The following DBT variants were observed in gnomAD, a reference collection of about 807,000 sequenced individuals.
DBT encodes dihydrolipoamide branched chain transacylase E2.
A neutral mutation model predicts 51.3 loss-of-function variants in DBT; 40 were observed. The ratio of observed to expected loss-of-function variants is 0.78; its 90% CI spans 0.61 to 1.02. DBT has a LOEUF of 1.02. DBT is among the 50% of genes least tolerant of loss of function. The pLI is 0.00. For synonymous variants in DBT, 181 were observed against 190.4 expected (o/e 0.95, Z 0.41); for missense variants, 510 against 580.2 (o/e 0.88, Z 1.24).
chr1:100,237,361 G>A (rs1663933978), intron 2 of DBT, among the ~76,000 whole-genome samples: 1 of 152,164 alleles, frequency 6.6e-6, no homozygotes, highest in African/African-American at 2.4e-5. Context: ...GGCGTAACCA[G>A]CAAGGAAATC....
chr1:100,206,174 G>T, intron 10 of DBT, 56 bp downstream of exon 10: 1 of 1,158,170 alleles, frequency 8.6e-7, no homozygotes, highest in Non-Finnish European at 1.3e-6. Flanking sequence ...ACTCTTCATT[G>T]TGTTTAGTCC....
intron 8 of DBT, among the ~76,000 whole-genome samples, chr1:100,209,078 TTTTTCTTTTC>T (rs1287657697): frequency 1.9e-3 from 271 of 141,416 alleles, no homozygotes; most frequent in African/African-American, 6.2e-3. Context: ...TTTGTTTTCT[TTTTTCTTTTC>T]TTTTCTTTTC....
At chr1:100,215,863 A>G (rs146761278) in intron 6 of DBT, 120 bp downstream of exon 6, 2 of 742,100 alleles carry the variant, frequency 2.7e-6, no homozygotes, top group Non-Finnish European at 4.8e-6. Context: ...TGCTGACTGA[A>G]GTTGAACTTT....
Position 100,196,103 on chromosome 1 carries a change from A to T in DBT, c.*152T>A. ...ATTATTCATTTTCAGTAAAAAGTCT[A>T]ATAGAACAGTGACAAATATTGTGCC... On this transcript the variant is annotated 3_prime_UTR_variant, in exon 11 of 11. Transcript: ENST00000370132. 1 of 738,458 alleles carries T rather than the reference A, an allele frequency of 1.4e-6. No homozygotes were observed. The highest frequency in any genetic ancestry group is 2.3e-6 in the Non-Finnish European group (1 of 431,608). 45.7% of individuals were successfully genotyped at this position (738,458 alleles called of 1,614,324 possible).
At chr1:100,209,093 CTTTTCT>C (rs1168362251) in intron 8 of DBT, among the ~76,000 whole-genome samples, 192 of 93,264 alleles carry the variant, frequency 2.1e-3, no homozygotes, top group South Asian at 7.3e-3. Context: ...CTTTTCTTTT[CTTTTCT>C]TTTTTTTTTT....
In DBT at chr1:100,224,567, G is replaced by A. The variant is rs538570094; in HGVS notation, c.434-5820C>T. On this transcript the variant is annotated intron_variant, in intron 4 of 10. Coordinates refer to ENST00000370132, the MANE Select transcript of DBT (RefSeq NM_001918.5). ...TAATTGTTTAAAGCATATTATGAAT[G>A]GCAAATGAAACAGAATGGCTAGCAA... Among the ~76,000 whole-genome samples, 5 of 152,140 alleles carry A rather than the reference G, an allele frequency of 3.3e-5. No homozygotes were observed. In the East Asian group the frequency reaches 5.8e-4, roughly 18 times the overall value.
chr1:100,206,320 A>T lies in DBT; in HGVS notation c.1210-19T>A. On this transcript the variant is annotated intron_variant, in intron 9 of 10. Transcript: ENST00000370132. The stretch of plus-strand genomic sequence containing the variant: ...CACCAATCTATTTTTTAAAAAAAAA[A>T]AAAGGAGAGTATTAAAAGTTAAGAT... 6.2e-7 allele frequency: 1 copy of T among 1,605,952 alleles called. No individual in the cohort carries two copies.
intron 1 of DBT, among the ~76,000 whole-genome samples, chr1:100,241,458 C>T (rs370223229): frequency 2.0e-5 from 3 of 151,052 alleles, no homozygotes; most frequent in East Asian, 2.0e-4. Flanking sequence ...TGCAGTGGTG[C>T]GATCACAGTT....
chr1:100,196,137 T>G lies in DBT; in HGVS notation c.*118A>C, dbSNP rs541998757. The G allele has an allele frequency of 5.4e-6, 5 of 933,808 alleles. No individual in the cohort carries two copies. In the African/African-American group the frequency reaches 6.6e-5, roughly 12 times the overall value. The allele number at this position is 933,808 out of a possible 1,614,324, so 57.8% of individuals were successfully genotyped here. A position where few individuals can be genotyped will look rare whatever the true frequency, so the allele number is the denominator to read the frequency against. On this transcript the variant is annotated 3_prime_UTR_variant, in exon 11 of 11. Transcript: ENST00000370132. ...GTGACAAATATTGTGCCTTAGATCC[T>G]TAATCATACGATACAAATCATTTAC...
chr1:100,239,851 C>CAAAAAAAAAAAAAAAAAAAAA (rs56661922), intron 2 of DBT, among the ~76,000 whole-genome samples: 2 of 111,160 alleles, frequency 1.8e-5, no homozygotes, highest in South Asian at 3.0e-4. Flanking sequence ...CAACAGAGCT[C>CAAAAAAAAAAAAAAAAAAAAA]AAAAAAAAAA....
chr1:100,214,682 A>G, intron 7 of DBT, 135 bp downstream of exon 7: 2 of 829,748 alleles, frequency 2.4e-6, no homozygotes, highest in South Asian at 2.9e-5. Context: ...TAAACCCGGA[A>G]GGTGGAGGTT....
At chr1:100,205,477 T>C (rs765370789) in intron 10 of DBT, among the ~76,000 whole-genome samples, 14 of 152,116 alleles carry the variant, frequency 9.2e-5, no homozygotes, top group African/African-American at 3.4e-4. Flanking sequence ...TATAGAGAGA[T>C]AGAAACGCTT....
intron 4 of DBT, among the ~76,000 whole-genome samples, chr1:100,220,888 T>C (rs1662820747): frequency 6.6e-6 from 1 of 152,214 alleles, no homozygotes; most frequent in Admixed American, 6.5e-5. Flanking sequence ...TTTCAGAATC[T>C]CTGTATATTC....
intron 4 of DBT, among the ~76,000 whole-genome samples, chr1:100,228,102 G>C (rs1445818647): frequency 6.6e-6 from 1 of 152,018 alleles, no homozygotes; most frequent in Non-Finnish European, 1.5e-5. Flanking sequence ...CACCCACCCT[G>C]GCCTCCCAAA....
At chr1:100,200,055 G>C (rs561147704) in intron 10 of DBT, among the ~76,000 whole-genome samples, 96 of 152,116 alleles carry the variant, frequency 6.3e-4, no homozygotes, top group Non-Finnish European at 1.0e-3. Context: ...AGACAGAACT[G>C]TGAGAGACAC....
At chr1:100,215,450 C>G (rs1345249434) in intron 6 of DBT, among the ~76,000 whole-genome samples, 1 of 152,150 alleles carries the variant, frequency 6.6e-6, no homozygotes, top group Admixed American at 6.5e-5. Context: ...AAGAAACCTG[C>G]TAACGTATTA....
rs1211775392 is a variant in DBT at position 100,188,434 on chromosome 1, C to T, written c.*7821G>A. The T allele has an allele frequency of 1.3e-5, 2 of 152,170 alleles. No individual in the cohort carries two copies. The highest frequency in any genetic ancestry group is 4.8e-5 in the African/African-American group (2 of 41,432). 9.4% of individuals were successfully genotyped at this position (152,170 alleles called of 1,614,324 possible). ...TCTTTTTGGACTTTACTTTTTAGCACATCTTAGGAACTATTATGAAGTTTT... is the reference window on the plus strand; with the variant it reads ...TCTTTTTGGACTTTACTTTTTAGCATATCTTAGGAACTATTATGAAGTTTT... On this transcript the variant is annotated 3_prime_UTR_variant, in exon 11 of 11. Transcript: ENST00000370132.
At chr1:100,239,986 A>G (rs1408670741) in intron 2 of DBT, among the ~76,000 whole-genome samples, 1 of 152,132 alleles carries the variant, frequency 6.6e-6, no homozygotes, top group Non-Finnish European at 1.5e-5. Context: ...TTAATAGTGT[A>G]ACAAAAGTCT....
rs75797247 is a variant in DBT, at chr1:100,212,331, C to G, written c.940-1560G>C. On this transcript the variant is annotated intron_variant, in intron 7 of 10. Transcript: ENST00000370132. The stretch of plus-strand genomic sequence containing the variant: ...AATAGCCAGGCATGCTGGCTCATCC[C>G]TGTAAGACCAGCCTGGGCAGCACTG... Among the ~76,000 whole-genome samples the G allele has an allele frequency of 9.3e-3, 1,422 of 152,114 alleles. 25 individuals are homozygous for G. Among genetic ancestry groups the G allele is most frequent in the African/African-American group, 0.033 (1,371 of 41,494 alleles).
Sources: allele counts gnomAD v4.1 joint callset (sites outside exome capture counted in the v4.1 genomes callset), GRCh38; gene constraint gnomAD v4.1.1; transcripts MANE v1.5; gene names NCBI Gene and HGNC (gene_info 2026-07-23, HGNC 2026-07-21).